The following PTDSS1 variants were observed in gnomAD, a reference collection of about 807,000 sequenced individuals.
The protein encoded by PTDSS1 is phosphatidylserine synthase 1.
Under a neutral mutation model 70.5 loss-of-function variants are expected in PTDSS1, and 45 were observed. The observed-to-expected ratio is 0.64, with a 90% CI of 0.50 to 0.82. The LOEUF (loss-of-function observed/expected upper bound fraction) is 0.82. PTDSS1 is among the 40% of genes least tolerant of loss of function. The pLI is 0.00. For synonymous variants in PTDSS1, 188 were observed against 203.8 expected, an observed-to-expected ratio of 0.92 and a Z score of 0.66; for missense variants, 417 against 586.1, an observed-to-expected ratio of 0.71 and a Z score of 2.98.
intron 12 of PTDSS1, among the ~76,000 whole-genome samples, chr8:96,331,770 G>A (rs1811519308): frequency 6.6e-6 from 1 of 151,872 alleles, no homozygotes; most frequent in Non-Finnish European, 1.5e-5. Flanking sequence ...CTGTATATCC[G>A]GCCAGGCACA....
Position 96,333,529 on chromosome 8 carries a change from C to A in PTDSS1, c.1385C>A (p.Ser462Tyr), listed in dbSNP as rs369624843. 1.2e-6 allele frequency: 2 copies of A among 1,613,640 alleles called. No homozygotes were observed. The highest frequency in any genetic ancestry group is 2.7e-5 in the African/African-American group (2 of 74,846). The change falls in exon 13 of 13, where the codon TCC becomes TAC. Residue 462 changes from serine to tyrosine, a missense_variant. Transcript: ENST00000517309. ...SHSSRRRNRH[S>Y]KSKVTNGVGK... ...TCTTCCAGGAGAAGGAATCGGCATTCCAAGTCAAAAGTCACCAATGGCGTT... is the reference window on the plus strand; with the variant it reads ...TCTTCCAGGAGAAGGAATCGGCATTACAAGTCAAAAGTCACCAATGGCGTT...
intron 9 of PTDSS1, among the ~76,000 whole-genome samples, 165 bp downstream of exon 9, chr8:96,309,787 C>A (rs1400829027): frequency 6.6e-6 from 1 of 151,180 alleles, no homozygotes; most frequent in Non-Finnish European, 1.5e-5. Context: ...ATAGATATAT[C>A]TTTTCATCTT....
chr8:96,315,426 C>T (rs1356094390), intron 9 of PTDSS1, among the ~76,000 whole-genome samples: 1 of 152,184 alleles, frequency 6.6e-6, no homozygotes, highest in Non-Finnish European at 1.5e-5. Flanking sequence ...TGTTGGCAAG[C>T]CAAAATCTCT....
At chr8:96,313,579 C>T (rs1426104823) in intron 9 of PTDSS1, among the ~76,000 whole-genome samples, 1 of 152,202 alleles carries the variant, frequency 6.6e-6, no homozygotes, top group Non-Finnish European at 1.5e-5. Context: ...GGTGGCCAAG[C>T]GTCGGCTGAA....
chr8:96,268,693 T>C (rs1174161214), intron 1 of PTDSS1, among the ~76,000 whole-genome samples: 1 of 152,080 alleles, frequency 6.6e-6, no homozygotes, highest in African/African-American at 2.4e-5. Flanking sequence ...TGTTAAGACT[T>C]TGTCTCTTTG....
chr8:96,290,861 A>G (rs559779214), intron 4 of PTDSS1, among the ~76,000 whole-genome samples: 30 of 147,742 alleles, frequency 2.0e-4, no homozygotes, highest in African/African-American at 6.4e-4. Flanking sequence ...AAAATATTAT[A>G]TAATATAAAT....
chr8:96,330,974 T>C, intron 11 of PTDSS1, 52 bp from the exon 12 acceptor site: 1 of 1,514,818 alleles, frequency 6.6e-7, no homozygotes. Context: ...GCCCTGCCAC[T>C]TCTCCCAGGG....
intron 9 of PTDSS1, among the ~76,000 whole-genome samples, chr8:96,310,696 T>C (rs1811198397): frequency 1.3e-5 from 2 of 152,098 alleles, no homozygotes; most frequent in Non-Finnish European, 2.9e-5. Flanking sequence ...TGAAGTATAA[T>C]TTTATTGTTC....
Position 96,333,775 on chromosome 8 carries a change from C to CG in PTDSS1, c.*210dup. On this transcript the variant is annotated 3_prime_UTR_variant, in exon 13 of 13. Transcript: ENST00000517309. ...TCATCGCCTGGGGGGCCTTTGCCAA[C>CG]GTGGGGTCTCTTCTAACTTCAGCAC... 1 of 704,128 alleles carries CG rather than the reference C, an allele frequency of 1.4e-6. No individual in the cohort carries two copies. Among genetic ancestry groups the CG allele is most frequent in the East Asian group, 2.7e-5 (1 of 37,246 alleles). 43.6% of individuals were successfully genotyped at this position (704,128 alleles called of 1,614,324 possible). A position where few individuals can be genotyped will look rare whatever the true frequency, so the allele number is the denominator to read the frequency against.
intron 1 of PTDSS1, among the ~76,000 whole-genome samples, chr8:96,266,357 C>A (rs1810487491): frequency 6.6e-6 from 1 of 152,192 alleles, no homozygotes; most frequent in African/African-American, 2.4e-5. Flanking sequence ...CAGGCAAGGA[C>A]AGGGAAATGG....
chr8:96,296,518 A>T (rs1810978753), intron 5 of PTDSS1, among the ~76,000 whole-genome samples: 1 of 152,184 alleles, frequency 6.6e-6, no homozygotes, highest in African/African-American at 2.4e-5. Context: ...AGCTCACTGT[A>T]CTGCCTATGA....
At chr8:96,281,230 T>C (rs1434193277) in intron 2 of PTDSS1, among the ~76,000 whole-genome samples, 1 of 152,226 alleles carries the variant, frequency 6.6e-6, no homozygotes, top group Non-Finnish European at 1.5e-5. Flanking sequence ...TGTCTGACAG[T>C]AAAGATTGCA....
chr8:96,321,529 G>A (rs1279192744), intron 10 of PTDSS1, among the ~76,000 whole-genome samples: 3 of 152,166 alleles, frequency 2.0e-5, no homozygotes, highest in Non-Finnish European at 4.4e-5. Context: ...GAAGAAAGCA[G>A]CCCTTTTGTC....
intron 1 of PTDSS1, among the ~76,000 whole-genome samples, chr8:96,268,347 C>T (rs1279380986): frequency 5.3e-5 from 8 of 152,182 alleles, no homozygotes; most frequent in African/African-American, 1.9e-4. Context: ...CTCATCTAAA[C>T]ATGAACCTAT....
chr8:96,333,774 A>C lies in PTDSS1; in HGVS notation c.*208A>C, dbSNP rs1251049320. 1 of 704,544 alleles carries C rather than the reference A, an allele frequency of 1.4e-6. No homozygotes were observed. Among genetic ancestry groups the C allele is most frequent in the Non-Finnish European group, 2.6e-6 (1 of 387,212 alleles). 43.6% of individuals were successfully genotyped at this position (704,544 alleles called of 1,614,324 possible). A position where few individuals can be genotyped will look rare whatever the true frequency, so the allele number is the denominator to read the frequency against. On this transcript the variant is annotated 3_prime_UTR_variant, in exon 13 of 13. Transcript: ENST00000517309. ...ATCATCGCCTGGGGGGCCTTTGCCA[A>C]CGTGGGGTCTCTTCTAACTTCAGCA...
intron 2 of PTDSS1, among the ~76,000 whole-genome samples, 157 bp downstream of exon 2, chr8:96,273,547 T>C (rs754872361): frequency 6.6e-6 from 1 of 152,216 alleles, no homozygotes. Context: ...ATTCTGCCAC[T>C]TCCTAGCCCC....
At chr8:96,327,562 C>A (rs1004726936) in intron 10 of PTDSS1, among the ~76,000 whole-genome samples, 1 of 152,178 alleles carries the variant, frequency 6.6e-6, no homozygotes, top group Non-Finnish European at 1.5e-5. Context: ...CTTCAAGTTA[C>A]ACCATGCCTT....
intron 9 of PTDSS1, among the ~76,000 whole-genome samples, chr8:96,318,274 C>T (rs1273958853): frequency 6.6e-5 from 10 of 151,398 alleles, no homozygotes; most frequent in African/African-American, 9.7e-5. Flanking sequence ...CAGTGAGCCG[C>T]GATTGCACCA....
At chr8:96,302,765 A>G (rs555634800) in intron 6 of PTDSS1, among the ~76,000 whole-genome samples, 2 of 152,176 alleles carry the variant, frequency 1.3e-5, no homozygotes, top group East Asian at 3.9e-4. Context: ...TATTTTTAGT[A>G]GAGACAGGGT....
Sources: allele counts gnomAD v4.1 joint callset (sites outside exome capture counted in the v4.1 genomes callset), GRCh38; gene constraint gnomAD v4.1.1; transcripts MANE v1.5; gene names NCBI Gene and HGNC (gene_info 2026-07-23, HGNC 2026-07-21).